The following ZC3H13 variants were observed in gnomAD, a reference collection of about 807,000 sequenced individuals.
The protein encoded by ZC3H13 is zinc finger CCCH domain-containing protein 13.
In ZC3H13, 64 loss-of-function variants were observed where a neutral mutation model predicts 204.1. The observed-to-expected ratio is 0.31, with a 90% CI of 0.26 to 0.39. The LOEUF is 0.39. Ranked by LOEUF, ZC3H13 falls within the 10% of genes least tolerant of loss-of-function variation. The pLI, the probability that ZC3H13 is intolerant of heterozygous loss-of-function variation, is 1.00. For synonymous variants in ZC3H13, 667 were observed against 693.7 expected (o/e 0.96, Z 0.60); for missense variants, 1,833 against 2,082.7 (o/e 0.88, Z 2.33).
chr13:45,980,025 CA>C, intron 10 of ZC3H13, 21 bp from the exon 11 acceptor site: 1 of 1,571,814 alleles, frequency 6.4e-7, no homozygotes, highest in African/African-American at 1.4e-5. Context: ...GATAGACACA[CA>C]AATGTTTACC....
At chr13:46,037,304 A>T (rs975653819) in intron 4 of ZC3H13, among the ~76,000 whole-genome samples, 4 of 152,212 alleles carry the variant, frequency 2.6e-5, no homozygotes, top group Non-Finnish European at 4.4e-5. Flanking sequence ...TGTAAGACTT[A>T]GGTAAGCAAT....
At position 46,046,395 on chromosome 13, in the gene ZC3H13, G is replaced by A. The variant is rs182121050; in HGVS notation, c.-9-879C>T. Among the ~76,000 whole-genome samples the A allele has an allele frequency of 3.8e-4, 57 of 151,186 alleles. No homozygotes were observed. In the East Asian group the frequency reaches 0.011, roughly 29 times the overall value. ...TTTTAAGGGCCAGGCACAGTGGCTC[G>A]TGCCTGTAATCCCAGCACTTTGGGA... is the stretch of plus-strand genomic sequence containing the variant. On this transcript the variant is annotated intron_variant, in intron 1 of 18. Coordinates refer to ENST00000679008, the MANE Select transcript of ZC3H13 (RefSeq NM_001330564.2).
intron 3 of ZC3H13, among the ~76,000 whole-genome samples, chr13:46,044,249 T>C (rs2404731): frequency 0.77 from 117,050 of 151,508 alleles, 45,597 homozygotes; most frequent in African/African-American, 0.86. Flanking sequence ...AAACAATCAG[T>C]GTAACCAATT....
At chr13:45,963,219 T>C in intron 17 of ZC3H13, 1 of 984,904 alleles carries the variant, frequency 1.0e-6, no homozygotes, top group Non-Finnish European at 1.2e-6. Flanking sequence ...ATCCAGATCA[T>C]CCGGCCTTAC....
At chr13:45,966,433 T>C (rs1232889955) in intron 15 of ZC3H13, among the ~76,000 whole-genome samples, 2 of 152,162 alleles carry the variant, frequency 1.3e-5, no homozygotes, top group Non-Finnish European at 2.9e-5. Context: ...TAAACATAAA[T>C]GCACATAATA....
At position 45,983,567 on chromosome 13, in the gene ZC3H13, C is replaced by G. The variant is rs913450565; in HGVS notation, c.1720+1730G>C. 2.3e-3 allele frequency among the ~76,000 whole-genome samples: 344 copies of G among 148,802 alleles called. 3 individuals are homozygous for G. The highest frequency in any genetic ancestry group is 8.4e-3 in the African/African-American group (335 of 40,070). On this transcript the variant is annotated intron_variant, in intron 10 of 18. Transcript: ENST00000679008. ...TCAGCCTCCCGAGTAGCTGGGATTA[C>G]AGGCGCCCACCACCACGCCCGGCTA...
In ZC3H13 at chr13:45,957,021, T is replaced by C. The variant is rs1020514893; in HGVS notation, c.*106A>G. 6 of 1,060,096 alleles carry C rather than the reference T, an allele frequency of 5.7e-6. No homozygotes were observed. Among genetic ancestry groups the C allele is most frequent in the African/African-American group, 1.6e-5 (1 of 61,216 alleles). The allele number at this position is 1,060,096 out of a possible 1,614,324, so 65.7% of individuals were successfully genotyped here. ...TCACTCTTTTAGCATGGCTGATAAATCTTTTCTGCCTTTGTCACTAATGCT... is the reference window on the plus strand; with the variant it reads ...TCACTCTTTTAGCATGGCTGATAAACCTTTTCTGCCTTTGTCACTAATGCT... On this transcript the variant is annotated 3_prime_UTR_variant, in exon 19 of 19. Transcript: ENST00000679008.
At chr13:46,046,293 A>G (rs1432830414) in intron 1 of ZC3H13, among the ~76,000 whole-genome samples, 3 of 152,168 alleles carry the variant, frequency 2.0e-5, no homozygotes, top group African/African-American at 7.2e-5. Context: ...TAATAACAAA[A>G]AAGGCAAATT....
At position 45,975,352 on chromosome 13, in the gene ZC3H13, C is replaced by T. The variant is rs201794583; in HGVS notation, c.2399G>A (p.Arg800His). ...TCGGATCTCTTCTCGCTTTTCTCTGCGGTCATCTCGTCCTTTGTCTTTGTC... is the reference window on the plus strand; with the variant it reads ...TCGGATCTCTTCTCGCTTTTCTCTGTGGTCATCTCGTCCTTTGTCTTTGTC... ...WEDKDKGRDDRREKREEIRED... is the reference protein window; with the variant it reads ...WEDKDKGRDDHREKREEIRED... Residue 800 changes from arginine to histidine, a missense_variant, in exon 12 of 19, where the codon CGC (arginine) becomes CAC (histidine). Coordinates refer to ENST00000679008, the MANE Select transcript of ZC3H13 (RefSeq NM_001330564.2). 90 of 1,613,934 alleles carry T rather than the reference C, an allele frequency of 5.6e-5. No individual in the cohort carries two copies. The highest frequency in any genetic ancestry group is 1.6e-4 in the Middle Eastern group (1 of 6,084).
intron 17 of ZC3H13, chr13:45,962,608 G>A: frequency 1.0e-6 from 1 of 984,530 alleles, no homozygotes; most frequent in Non-Finnish European, 1.2e-6. Context: ...TTTTGTACAT[G>A]TATACTCTAG....
At chr13:45,988,167 A>G (rs1249324614) in intron 9 of ZC3H13, among the ~76,000 whole-genome samples, 2 of 152,128 alleles carry the variant, frequency 1.3e-5, no homozygotes, top group African/African-American at 4.8e-5. Context: ...ACATTAACTC[A>G]GTGATTGAAA....
At chr13:45,970,885 A>G (rs1006436144) in intron 12 of ZC3H13, among the ~76,000 whole-genome samples, 61 of 152,332 alleles carry the variant, frequency 4.0e-4, no homozygotes, top group African/African-American at 1.4e-3. Context: ...TGAAGTAAAA[A>G]AGCTATGAGT....
intron 7 of ZC3H13, among the ~76,000 whole-genome samples, chr13:46,003,793 C>G (rs2040925792): frequency 6.6e-6 from 1 of 152,096 alleles, no homozygotes; most frequent in Non-Finnish European, 1.5e-5. Context: ...TGGGTATTCA[C>G]ATGCAAAAGA....
intron 9 of ZC3H13, among the ~76,000 whole-genome samples, chr13:45,987,186 A>G (rs1323371268): frequency 6.6e-6 from 1 of 152,236 alleles, no homozygotes; most frequent in African/African-American, 2.4e-5. Flanking sequence ...TTATTTCAGA[A>G]AATGACATCT....
chr13:45,999,021 T>C (rs937898093), intron 8 of ZC3H13, among the ~76,000 whole-genome samples: 1 of 152,170 alleles, frequency 6.6e-6, no homozygotes, highest in African/African-American at 2.4e-5. Context: ...CAGGATTACT[T>C]GAGTCCAGGA....
chr13:46,046,434 G>A (rs561375665), intron 1 of ZC3H13, among the ~76,000 whole-genome samples: 145 of 150,116 alleles, frequency 9.7e-4, no homozygotes, highest in Non-Finnish European at 1.7e-3. Flanking sequence ...CGAGGCGGGC[G>A]GATCATGAGG....
intron 6 of ZC3H13, 42 bp downstream of exon 6, chr13:46,011,373 T>C (rs758675989): frequency 1.3e-5 from 20 of 1,545,920 alleles, no homozygotes; most frequent in Non-Finnish European, 1.7e-5. Flanking sequence ...ATACAAATGC[T>C]GCTATTAAGT....
At chr13:46,048,468 C>T (rs945775436) in intron 1 of ZC3H13, among the ~76,000 whole-genome samples, 20 of 150,142 alleles carry the variant, frequency 1.3e-4, no homozygotes, top group African/African-American at 4.7e-4. Flanking sequence ...GTAGTCCCAG[C>T]TACTCGGGAG....
At chr13:46,040,702 T>C (rs1036455537) in intron 4 of ZC3H13, among the ~76,000 whole-genome samples, 4 of 152,148 alleles carry the variant, frequency 2.6e-5, no homozygotes, top group African/African-American at 9.7e-5. Context: ...GCAAGTTACA[T>C]ATACGATAAG....
Sources: gnomAD v4.1 joint callset for allele counts (sites outside exome capture counted in the v4.1 genomes callset) on GRCh38, gnomAD v4.1.1 for gene constraint, MANE v1.5 for transcripts, NCBI Gene and HGNC (gene_info 2026-07-23, HGNC 2026-07-21) for gene names.